KCNMA1: variants seen among roughly 807,000 people sequenced by gnomAD.
The protein encoded by KCNMA1 is potassium calcium-activated channel subfamily M alpha 1, also known as Calcium-activated potassium channel subunit alpha-1.
Under a neutral mutation model 140.0 loss-of-function variants are expected in KCNMA1, and 29 were observed. The ratio of observed to expected loss-of-function variants is 0.21; its 90% CI spans 0.15 to 0.28. KCNMA1 has a LOEUF of 0.28. KCNMA1 is among the 10% of genes least tolerant of loss of function. The probability of loss-of-function intolerance (pLI) is 1.00; values close to 1 mark genes in which losing one functional copy is unlikely to be tolerated. For synonymous variants in KCNMA1, 612 were observed against 611.9 expected (o/e 1.00, Z 0.00); for missense variants, 880 against 1,602.2 (o/e 0.55, Z 7.70).
intron 1 of KCNMA1, among the ~76,000 whole-genome samples, chr10:77,612,030 G>C (rs1603638509): frequency 1.3e-5 from 2 of 152,350 alleles, no homozygotes; most frequent in Non-Finnish European, 1.5e-5. Context: ...AGAGAAGAAA[G>C]AGATGGGAAT....
intron 15 of KCNMA1, chr10:77,039,321 C>A: frequency 3.2e-6 from 2 of 621,526 alleles, no homozygotes; most frequent in Non-Finnish European, 2.9e-6. Context: ...TCAGGCCTGT[C>A]AAGAAAAGTG....
chr10:77,132,612 C>T (rs1275112559), intron 5 of KCNMA1, among the ~76,000 whole-genome samples: 4 of 151,398 alleles, frequency 2.6e-5, no homozygotes, highest in Non-Finnish European at 5.9e-5. Context: ...GCAAGCTCCG[C>T]CCCACGGCCA....
chr10:77,421,566 G>T (rs35794), intron 1 of KCNMA1, among the ~76,000 whole-genome samples: 128,291 of 152,280 alleles, frequency 0.84, 54,200 homozygotes, highest in Non-Finnish European at 0.86. Flanking sequence ...TATAAACAAA[G>T]GAGTGTGGTT....
intron 1 of KCNMA1, among the ~76,000 whole-genome samples, chr10:77,584,243 T>A (rs2076626380): frequency 1.3e-5 from 2 of 152,226 alleles, no homozygotes; most frequent in African/African-American, 4.8e-5. Flanking sequence ...CACTACCCAC[T>A]CGTCCTCCCC....
chr10:76,920,382 A>G (rs1008655990), intron 23 of KCNMA1, among the ~76,000 whole-genome samples: 7 of 152,074 alleles, frequency 4.6e-5, no homozygotes, highest in Admixed American at 3.9e-4. Context: ...TCCTATGTAT[A>G]TACTACTATT....
chr10:77,586,462 T>C (rs1268554489), intron 1 of KCNMA1: 4 of 152,236 alleles, frequency 2.6e-5, no homozygotes, highest in Non-Finnish European at 5.9e-5. Flanking sequence ...GTAATTTCTG[T>C]TTCATTTCAT....
At chr10:76,927,256 C>G (rs2058000180) in intron 23 of KCNMA1, among the ~76,000 whole-genome samples, 2 of 152,110 alleles carry the variant, frequency 1.3e-5, no homozygotes, top group Non-Finnish European at 2.9e-5. Flanking sequence ...CTTCTCAAAC[C>G]AAGGAGAAGG....
At chr10:77,622,449 G>A (rs977971293) in intron 1 of KCNMA1, among the ~76,000 whole-genome samples, 2 of 152,212 alleles carry the variant, frequency 1.3e-5, no homozygotes, top group African/African-American at 4.8e-5. Flanking sequence ...CCTCACCTGT[G>A]TGTGACCCTG....
At position 77,177,937 on chromosome 10, in the gene KCNMA1, T is replaced by C. The variant is rs58843506; in HGVS notation, c.808+5484A>G. On this transcript the variant is annotated intron_variant, in intron 5 of 27. Coordinates refer to ENST00000286628, the MANE Select transcript of KCNMA1 (RefSeq NM_001161352.2). Reference sequence around the variant, plus strand: ...ACAATGTTTTGTCCTTTTGTTGTTGTTGTTTTTAAGCACCTGTGCTTTTTT... The same window carrying C: ...ACAATGTTTTGTCCTTTTGTTGTTGCTGTTTTTAAGCACCTGTGCTTTTTT... Among the ~76,000 whole-genome samples, 1,337 of 152,338 alleles carry C rather than the reference T, an allele frequency of 8.8e-3. 18 individuals are homozygous for C. The highest frequency in any genetic ancestry group is 0.03 in the African/African-American group (1,259 of 41,572).
At chr10:77,000,900 A>ATC (rs1555084853) in intron 19 of KCNMA1, among the ~76,000 whole-genome samples, 50 of 128,780 alleles carry the variant, frequency 3.9e-4, no homozygotes, top group African/African-American at 1.3e-3. Context: ...ATATATATAT[A>ATC]TCCATCTGCA....
intron 3 of KCNMA1, among the ~76,000 whole-genome samples, chr10:77,206,744 C>T (rs1253347294): frequency 1.0e-5 from 1 of 98,312 alleles, no homozygotes; most frequent in Non-Finnish European, 2.0e-5. Context: ...ACTAAGTACT[C>T]AATAAACTTT....
exon 28 of KCNMA1, chr10:76,872,138 T>C (rs1312008100): frequency 6.6e-6 from 1 of 152,244 alleles, no homozygotes; most frequent in Non-Finnish European, 1.5e-5. Context: ...GAAAACAGTA[T>C]GATTGGCAGG....
At chr10:77,566,346 A>G (rs780933717) in intron 1 of KCNMA1, among the ~76,000 whole-genome samples, 2 of 152,222 alleles carry the variant, frequency 1.3e-5, no homozygotes, top group Non-Finnish European at 2.9e-5. Flanking sequence ...GTCCCTCGGC[A>G]GAAGCACTTC....
chr10:77,268,634 G>A (rs184176322), intron 2 of KCNMA1, among the ~76,000 whole-genome samples: 12 of 152,196 alleles, frequency 7.9e-5, no homozygotes, highest in Admixed American at 1.3e-4. Context: ...TCTCAAGATC[G>A]CTTCCCGGTG....
intron 1 of KCNMA1, among the ~76,000 whole-genome samples, chr10:77,405,804 G>T (rs1354774096): frequency 2.0e-5 from 3 of 152,192 alleles, no homozygotes; most frequent in Non-Finnish European, 1.5e-5. Context: ...GAAAAGCTTT[G>T]TCTGCAGTGA....
At chr10:77,202,693 T>G (rs1293075092) in intron 3 of KCNMA1, among the ~76,000 whole-genome samples, 2 of 152,148 alleles carry the variant, frequency 1.3e-5, no homozygotes, top group Non-Finnish European at 2.9e-5. Context: ...TTCAGGTACT[T>G]TGCAAGTTAG....
chr10:77,502,448 C>T (rs2044266468), intron 1 of KCNMA1, among the ~76,000 whole-genome samples: 1 of 152,176 alleles, frequency 6.6e-6, no homozygotes, highest in Admixed American at 6.5e-5. Context: ...TCAGAGCCCT[C>T]TCCTCCAGGA....
intron 14 of KCNMA1, among the ~76,000 whole-genome samples, chr10:77,055,695 C>G (rs2095519659): frequency 6.6e-6 from 1 of 152,128 alleles, no homozygotes; most frequent in African/African-American, 2.4e-5. Context: ...TTGTCTCTCT[C>G]TGCCCTTCTA....
intron 2 of KCNMA1, among the ~76,000 whole-genome samples, chr10:77,389,906 A>G (rs2095753378): frequency 6.6e-6 from 1 of 152,202 alleles, no homozygotes; most frequent in Non-Finnish European, 1.5e-5. Flanking sequence ...TTTACTTCAA[A>G]TGGAGGCAAA....
Sources: gnomAD v4.1 joint callset for allele counts (sites outside exome capture counted in the v4.1 genomes callset) on GRCh38, gnomAD v4.1.1 for gene constraint, MANE v1.5 for transcripts, NCBI Gene and HGNC (gene_info 2026-07-23, HGNC 2026-07-21) for gene names.